The following PTGER3 variants were observed in gnomAD, a reference collection of about 807,000 sequenced individuals.
PTGER3 encodes prostaglandin E2 receptor EP3 subtype.
PTGER3 carries 22 observed loss-of-function variants against 34.7 expected under a neutral mutation model. That is an observed-to-expected ratio of 0.63 (90% CI 0.45 to 0.91). PTGER3 has a LOEUF of 0.91. PTGER3 is among the 40% of genes least tolerant of loss of function. The pLI, the probability that PTGER3 is intolerant of heterozygous loss-of-function variation, is 0.00. For synonymous variants in PTGER3, 241 were observed against 230.1 expected (o/e 1.05, Z -0.43); for missense variants, 468 against 519.4 (o/e 0.90, Z 0.96).
intron 1 of PTGER3, among the ~76,000 whole-genome samples, chr1:71,025,157 CTTCCTTCT>C (rs1189769928): frequency 4.0e-5 from 6 of 148,974 alleles, no homozygotes; most frequent in Admixed American, 1.4e-4. Context: ...TCCTTCCTTC[CTTCCTTCT>C]TTCCTTCCTT....
intron 4 of PTGER3, among the ~76,000 whole-genome samples, chr1:70,905,949 A>G (rs1646938161): frequency 6.6e-6 from 1 of 152,222 alleles, no homozygotes; most frequent in South Asian, 2.1e-4. Context: ...TGTCATGGGA[A>G]GAACCTGGTG....
chr1:71,000,403 A>G (rs1341588313), intron 2 of PTGER3, among the ~76,000 whole-genome samples: 2 of 152,194 alleles, frequency 1.3e-5, no homozygotes, highest in Non-Finnish European at 2.9e-5. Context: ...ATCTGCCACT[A>G]TGGTCATTAT....
chr1:70,973,116 G>A (rs557503759), intron 3 of PTGER3, among the ~76,000 whole-genome samples: 246 of 118,960 alleles, frequency 2.1e-3, no homozygotes, highest in Middle Eastern at 4.2e-3. Flanking sequence ...AGTACCCAGT[G>A]TGCACGTGTG....
At chr1:70,927,524 A>G (rs528582849) in intron 4 of PTGER3, among the ~76,000 whole-genome samples, 11 of 152,350 alleles carry the variant, frequency 7.2e-5, no homozygotes, top group Middle Eastern at 3.4e-3. Flanking sequence ...AAGCAACTAC[A>G]TAACATAAAA....
intron 1 of PTGER3, among the ~76,000 whole-genome samples, chr1:71,033,704 C>CT (rs573280662): frequency 6.3e-4 from 93 of 148,412 alleles, no homozygotes; most frequent in Non-Finnish European, 1.1e-3. Flanking sequence ...AATGCTGCTG[C>CT]TTTTTTTTTT....
exon 4 of PTGER3, chr1:70,952,599 A>C: frequency 9.8e-7 from 1 of 1,021,360 alleles, no homozygotes; most frequent in Non-Finnish European, 1.2e-6. Flanking sequence ...CCAGAGATGC[A>C]CTGCATTACC....
chr1:70,872,759 T>C (rs1646190225), intron 4 of PTGER3, among the ~76,000 whole-genome samples: 1 of 152,228 alleles, frequency 6.6e-6, no homozygotes, highest in African/African-American at 2.4e-5. Context: ...GAGAATTCAG[T>C]TGAAGTCACT....
intron 4 of PTGER3, among the ~76,000 whole-genome samples, chr1:70,892,862 A>G (rs1280453243): frequency 6.6e-6 from 1 of 151,716 alleles, no homozygotes. Flanking sequence ...AAAAGAAAGA[A>G]AAAAAAGAGT....
intron 4 of PTGER3, among the ~76,000 whole-genome samples, chr1:70,854,977 T>C (rs978664907): frequency 5.3e-5 from 8 of 152,176 alleles, no homozygotes; most frequent in African/African-American, 1.4e-4. Context: ...TCTGGGTACA[T>C]ATCCAGAAGA....
At chr1:71,043,739 C>A (rs1302950013) in intron 1 of PTGER3, among the ~76,000 whole-genome samples, 1 of 151,656 alleles carries the variant, frequency 6.6e-6, no homozygotes, top group Non-Finnish European at 1.5e-5. Flanking sequence ...AAGAAAGCAG[C>A]TTTGCCAGTT....
At chr1:70,993,923 A>G (rs1490995823) in intron 2 of PTGER3, among the ~76,000 whole-genome samples, 1 of 152,232 alleles carries the variant, frequency 6.6e-6, no homozygotes, top group Non-Finnish European at 1.5e-5. Context: ...GGAGGTGGTC[A>G]GAAGTTTTCT....
At chr1:70,858,720 G>A (rs1645863657) in intron 4 of PTGER3, among the ~76,000 whole-genome samples, 1 of 152,082 alleles carries the variant, frequency 6.6e-6, no homozygotes, top group South Asian at 2.1e-4. Context: ...TATGCCCTGG[G>A]GTCCAGGACC....
chr1:70,855,766 C>A (rs1461037634), intron 4 of PTGER3, among the ~76,000 whole-genome samples: 1 of 152,078 alleles, frequency 6.6e-6, no homozygotes, highest in Non-Finnish European at 1.5e-5. Flanking sequence ...CAGTAGCCAA[C>A]TGGCAACATA....
chr1:70,853,998 T>TTCTCC, intron 4 of PTGER3, among the ~76,000 whole-genome samples: 1 of 152,288 alleles, frequency 6.6e-6, no homozygotes, highest in Middle Eastern at 3.4e-3. Flanking sequence ...GACCTAGGCA[T>TTCTCC]AAGACCTTAA....
intron 1 of PTGER3, among the ~76,000 whole-genome samples, chr1:71,041,275 A>T (rs1370708757): frequency 6.6e-6 from 1 of 152,252 alleles, no homozygotes; most frequent in African/African-American, 2.4e-5. Flanking sequence ...ACAGGTGGGC[A>T]AAATCATCTG....
chr1:70,854,833 G>A (rs1316451478), intron 4 of PTGER3, among the ~76,000 whole-genome samples: 1 of 152,100 alleles, frequency 6.6e-6, no homozygotes, highest in Non-Finnish European at 1.5e-5. Context: ...AATAGCAAGT[G>A]GTATTGGAAT....
intron 4 of PTGER3, among the ~76,000 whole-genome samples, chr1:70,945,071 C>T (rs990896346): frequency 1.3e-5 from 2 of 152,156 alleles, no homozygotes; most frequent in Admixed American, 6.6e-5. Context: ...CTATAGTTAG[C>T]TAGTGGCTGA....
intron 1 of PTGER3, among the ~76,000 whole-genome samples, chr1:71,026,137 T>C (rs1310014104): frequency 6.6e-6 from 1 of 152,166 alleles, no homozygotes; most frequent in Non-Finnish European, 1.5e-5. Context: ...CCTAACATTA[T>C]ATTCATTCAT....
chr1:71,004,920 T>TA (rs1243060540), intron 2 of PTGER3, among the ~76,000 whole-genome samples: 4 of 152,332 alleles, frequency 2.6e-5, no homozygotes, highest in African/African-American at 9.6e-5. Context: ...GAACAGTGCC[T>TA]ATGTGGACCA....
Sources: allele counts gnomAD v4.1 joint callset (sites outside exome capture counted in the v4.1 genomes callset), GRCh38; gene constraint gnomAD v4.1.1; transcripts MANE v1.5; gene names NCBI Gene and HGNC (gene_info 2026-07-23, HGNC 2026-07-21).